Variants in DLG2 observed in about 807,000 individuals in gnomAD.
DLG2 encodes disks large homolog 2.
Under a neutral mutation model 132.5 loss-of-function variants are expected in DLG2, and 45 were observed. The observed-to-expected ratio is 0.34, with a 90% CI of 0.27 to 0.44. The LOEUF (loss-of-function observed/expected upper bound fraction) is 0.44, where lower values mean the gene tolerates loss of function less well. Ranked by LOEUF, DLG2 falls within the 20% of genes least tolerant of loss-of-function variation. DLG2 has a pLI of 1.00. For missense variants in DLG2, 1,045 were observed against 1,196.9 expected, an observed-to-expected ratio of 0.87 and a Z score of 1.87; for synonymous variants, 424 against 419.6, an observed-to-expected ratio of 1.01 and a Z score of -0.13.
At chr11:85,136,020 G>T (rs1336178420) in intron 5 of DLG2, among the ~76,000 whole-genome samples, 2 of 152,174 alleles carry the variant, frequency 1.3e-5, no homozygotes, top group Non-Finnish European at 2.9e-5. Flanking sequence ...TAGGAGAAAA[G>T]AGAATTGCGT....
intron 6 of DLG2, among the ~76,000 whole-genome samples, chr11:84,907,661 G>A (rs2154075398): frequency 6.6e-6 from 1 of 152,266 alleles, no homozygotes; most frequent in African/African-American, 2.4e-5. Flanking sequence ...ACATAATTTT[G>A]AAAGTCAAAT....
chr11:85,056,464 C>T (rs2063472768), intron 6 of DLG2, among the ~76,000 whole-genome samples: 5 of 151,808 alleles, frequency 3.3e-5, no homozygotes, highest in Admixed American at 3.3e-4. Flanking sequence ...TAGATCCAAG[C>T]ACTAAAAGAT....
intron 6 of DLG2, among the ~76,000 whole-genome samples, chr11:84,542,373 T>C (rs565014433): frequency 4.3e-4 from 65 of 152,290 alleles, no homozygotes; most frequent in African/African-American, 1.6e-3. Context: ...AGCCTGACAT[T>C]AAAAAACTTG....
intron 7 of DLG2, among the ~76,000 whole-genome samples, chr11:84,419,102 A>G (rs2098939732): frequency 1.3e-5 from 2 of 152,136 alleles, no homozygotes; most frequent in Admixed American, 6.6e-5. Context: ...TTTTGTGAAT[A>G]TATGAAAAAA....
chr11:83,549,210 C>A (rs1489121368), intron 19 of DLG2, among the ~76,000 whole-genome samples: 1 of 152,106 alleles, frequency 6.6e-6, no homozygotes, highest in Non-Finnish European at 1.5e-5. Flanking sequence ...TCTGCTCCAT[C>A]CCACTGTGCC....
At chr11:85,583,130 G>GTA (rs3068386) in intron 3 of DLG2, among the ~76,000 whole-genome samples, 499 of 13,544 alleles carry the variant, frequency 0.037, 26 homozygotes, top group Non-Finnish European at 0.055. Flanking sequence ...GTGTGTGTGT[G>GTA]TATATATATA....
intron 3 of DLG2, among the ~76,000 whole-genome samples, chr11:85,423,369 C>T (rs942647261): frequency 4.6e-5 from 7 of 152,190 alleles, no homozygotes; most frequent in Admixed American, 3.9e-4. Flanking sequence ...CAGTTCTTAG[C>T]TTTGGTGGTT....
intron 9 of DLG2, among the ~76,000 whole-genome samples, chr11:84,158,071 GTT>G (rs34592660): frequency 5.4e-5 from 8 of 147,426 alleles, no homozygotes; most frequent in Admixed American, 3.4e-4. Flanking sequence ...TGTTTTTTTG[GTT>G]TTTTTTTTGA....
At chr11:85,226,857 G>A (rs1469340514) in intron 4 of DLG2, among the ~76,000 whole-genome samples, 2 of 152,148 alleles carry the variant, frequency 1.3e-5, no homozygotes, top group East Asian at 3.9e-4. Context: ...CCCATAGATT[G>A]TTCAGAACTA....
chr11:84,732,244 A>C (rs1021250411), intron 6 of DLG2, among the ~76,000 whole-genome samples: 1 of 152,132 alleles, frequency 6.6e-6, no homozygotes, highest in African/African-American at 2.4e-5. Context: ...ATATCTGTGC[A>C]TAAGTCTCTG....
At chr11:84,279,010 A>G (rs181984140) in intron 7 of DLG2, among the ~76,000 whole-genome samples, 1 of 152,292 alleles carries the variant, frequency 6.6e-6, no homozygotes, top group Non-Finnish European at 1.5e-5. Flanking sequence ...CTATGAAACT[A>G]GCATCAGAGT....
intron 6 of DLG2, among the ~76,000 whole-genome samples, chr11:84,574,326 C>T (rs769311842): frequency 2.6e-5 from 4 of 151,054 alleles, no homozygotes; most frequent in East Asian, 1.9e-4. Context: ...TTACAGGGCA[C>T]GTATTATTCC....
intron 4 of DLG2, among the ~76,000 whole-genome samples, chr11:85,169,529 T>C (rs976896049): frequency 6.6e-6 from 1 of 152,238 alleles, no homozygotes; most frequent in East Asian, 1.9e-4. Flanking sequence ...GATGAGGGAA[T>C]GTAGGCAATT....
intron 3 of DLG2, among the ~76,000 whole-genome samples, chr11:85,399,181 T>C (rs1016989495): frequency 2.6e-5 from 4 of 152,134 alleles, no homozygotes; most frequent in Non-Finnish European, 5.9e-5. Context: ...CCATTCACAA[T>C]TGCTTCAAAG....
intron 3 of DLG2, among the ~76,000 whole-genome samples, chr11:85,380,037 G>C (rs2085744828): frequency 6.6e-6 from 1 of 152,072 alleles, no homozygotes; most frequent in Non-Finnish European, 1.5e-5. Context: ...TACTACGTTT[G>C]ATTTTCCACA....
At chr11:84,404,290 C>T (rs2098840881) in intron 7 of DLG2, among the ~76,000 whole-genome samples, 1 of 152,038 alleles carries the variant, frequency 6.6e-6, no homozygotes, top group Admixed American at 6.6e-5. Flanking sequence ...ATGCTGTTTC[C>T]TCTGTCTAGA....
intron 3 of DLG2, among the ~76,000 whole-genome samples, chr11:85,289,352 G>A (rs1243031977): frequency 6.6e-6 from 1 of 151,988 alleles, no homozygotes; most frequent in Non-Finnish European, 1.5e-5. Context: ...CTCTTCTCTA[G>A]GCCCAGATCC....
At chr11:84,181,457 G>A (rs564864156) in intron 8 of DLG2, among the ~76,000 whole-genome samples, 2 of 152,142 alleles carry the variant, frequency 1.3e-5, no homozygotes, top group Admixed American at 6.5e-5. Flanking sequence ...AACAAGAACA[G>A]TAATTAGAAC....
chr11:84,960,654 G>C (rs1399717683), intron 6 of DLG2, among the ~76,000 whole-genome samples: 1 of 151,928 alleles, frequency 6.6e-6, no homozygotes, highest in East Asian at 1.9e-4. Flanking sequence ...GCCCAGGTTG[G>C]TCTCAAACTC....
Sources: gnomAD v4.1 joint callset for allele counts (sites outside exome capture counted in the v4.1 genomes callset) on GRCh38, gnomAD v4.1.1 for gene constraint, MANE v1.5 for transcripts, NCBI Gene and HGNC (gene_info 2026-07-23, HGNC 2026-07-21) for gene names.